The following HS6ST3 variants were observed in gnomAD, a reference collection of about 807,000 sequenced individuals.
HS6ST3 encodes heparan-sulfate 6-O-sulfotransferase 3.
A neutral mutation model predicts 36.7 loss-of-function variants in HS6ST3; 12 were observed. The ratio of observed to expected loss-of-function variants is 0.33; its 90% CI spans 0.21 to 0.53. The LOEUF is 0.53. Among genes scored for constraint, HS6ST3 ranks in the 20% least tolerant of loss-of-function variants. The pLI is 0.95. For synonymous variants in HS6ST3, 240 were observed against 257.5 expected, an observed-to-expected ratio of 0.93 and a Z score of 0.65; for missense variants, 584 against 640.9, an observed-to-expected ratio of 0.91 and a Z score of 0.96.
intron 1 of HS6ST3, among the ~76,000 whole-genome samples, chr13:96,724,215 C>T (rs576430786): frequency 5.1e-4 from 77 of 152,154 alleles, no homozygotes; most frequent in Middle Eastern, 3.4e-3. Context: ...TGTATGGGTA[C>T]GCTAAAATGT....
In HS6ST3 at chr13:96,433,354, C is replaced by A. The variant is rs1209211302; in HGVS notation, c.707+341785C>A. Among the ~76,000 whole-genome samples, 3 of 152,054 alleles carry A rather than the reference C, an allele frequency of 2.0e-5. No individual in the cohort carries two copies. The East Asian group carries it at 5.8e-4, about 29-fold the overall frequency. On this transcript the variant is annotated intron_variant, in intron 1 of 1. Transcript: ENST00000376705. ...AGGAATTGATATGGTTTGGCTGTGT[C>A]CCCACCCAAATCTCACCTTGAATTG...
Position 96,832,626 on chromosome 13 carries a change from C to A in HS6ST3, c.844C>A (p.Pro282Thr), listed in dbSNP as rs1221834783. Residue 282 changes from proline to threonine, a missense_variant, in exon 2 of 2, where the codon CCT becomes ACT. Around this residue, in one of 3 missense-constraint regions of HS6ST3, gnomAD observed 360 missense variants for 411.3 expected, o/e 0.88. Coordinates refer to ENST00000376705, the MANE Select transcript of HS6ST3 (RefSeq NM_153456.4). ...AAGAAGCCCCACCCCAGATGAGCTGCCTACCTGCTACCCTGGGGATGACTG... is the reference window on the plus strand; with the variant it reads ...AAGAAGCCCCACCCCAGATGAGCTGACTACCTGCTACCCTGGGGATGACTG... ...DGRSPTPDEL[P>T]TCYPGDDWSG... The A allele has an allele frequency of 6.2e-7, 1 of 1,614,146 alleles. No individual in the cohort carries two copies. The highest frequency in any genetic ancestry group is 1.7e-5 in the Admixed American group (1 of 60,022).
intron 1 of HS6ST3, among the ~76,000 whole-genome samples, chr13:96,362,407 T>C (rs2055242833): frequency 1.3e-5 from 2 of 152,198 alleles, no homozygotes; most frequent in Non-Finnish European, 2.9e-5. Context: ...TTAGATAGGA[T>C]AGGCCAAACT....
chr13:96,161,769 A>C (rs1391266771), intron 1 of HS6ST3, among the ~76,000 whole-genome samples: 1 of 152,252 alleles, frequency 6.6e-6, no homozygotes, highest in Non-Finnish European at 1.5e-5. Context: ...GGTTAAGCAG[A>C]AGCACATAAG....
chr13:96,120,008 T>C (rs1252410122), intron 1 of HS6ST3, among the ~76,000 whole-genome samples: 1 of 152,134 alleles, frequency 6.6e-6, no homozygotes, highest in Non-Finnish European at 1.5e-5. Context: ...GGAAATAAGA[T>C]GGTTGCAGAT....
chr13:96,652,263 T>C (rs1046908592), intron 1 of HS6ST3, among the ~76,000 whole-genome samples: 3 of 152,234 alleles, frequency 2.0e-5, no homozygotes, highest in African/African-American at 7.2e-5. Context: ...TCTGTGTGCA[T>C]ACTAGTGTAT....
intron 1 of HS6ST3, among the ~76,000 whole-genome samples, chr13:96,152,283 G>A (rs1253452397): frequency 1.4e-5 from 2 of 148,144 alleles, no homozygotes; most frequent in Admixed American, 6.7e-5. Flanking sequence ...TTCTAGCTGA[G>A]ATACTAAAGT....
At chr13:96,490,669 AG>A (rs2055940389) in intron 1 of HS6ST3, among the ~76,000 whole-genome samples, 1 of 152,172 alleles carries the variant, frequency 6.6e-6, no homozygotes, top group South Asian at 2.1e-4. Context: ...GTCACTTGAG[AG>A]GCATATTTTA....
chr13:96,410,732 T>G (rs1234185066), intron 1 of HS6ST3, among the ~76,000 whole-genome samples: 2 of 152,198 alleles, frequency 1.3e-5, no homozygotes. Context: ...TAGCATTATT[T>G]TAAATAAACA....
intron 1 of HS6ST3, among the ~76,000 whole-genome samples, chr13:96,259,497 A>G (rs1055914742): frequency 6.6e-5 from 10 of 152,190 alleles, no homozygotes; most frequent in African/African-American, 2.2e-4. Context: ...GGCTGATTGG[A>G]TGTAAAATCT....
At chr13:96,587,122 G>C (rs1302449028) in intron 1 of HS6ST3, among the ~76,000 whole-genome samples, 1 of 152,054 alleles carries the variant, frequency 6.6e-6, no homozygotes, top group Non-Finnish European at 1.5e-5. Context: ...ATTTATTCCT[G>C]GGTTCTCTCT....
intron 1 of HS6ST3, among the ~76,000 whole-genome samples, chr13:96,420,120 G>C (rs1369750502): frequency 6.6e-6 from 1 of 152,090 alleles, no homozygotes; most frequent in Non-Finnish European, 1.5e-5. Context: ...TTTTCCTTAA[G>C]TTTTCCAGTC....
chr13:96,442,818 C>T (rs1325093901), intron 1 of HS6ST3, among the ~76,000 whole-genome samples: 3 of 148,396 alleles, frequency 2.0e-5, no homozygotes, highest in Non-Finnish European at 4.5e-5. Context: ...ATAAAGGAAT[C>T]GAACTTAAGG....
intron 1 of HS6ST3, among the ~76,000 whole-genome samples, chr13:96,468,468 A>G (rs2055824666): frequency 2.2e-5 from 1 of 46,368 alleles, no homozygotes; most frequent in Non-Finnish European, 5.9e-5. Context: ...TTAACAGGAC[A>G]TACACACATA....
chr13:96,139,199 C>T (rs1261222523), intron 1 of HS6ST3, among the ~76,000 whole-genome samples: 1 of 151,794 alleles, frequency 6.6e-6, no homozygotes. Flanking sequence ...AGTGCTGGAA[C>T]GCTTTGGATA....
intron 1 of HS6ST3, among the ~76,000 whole-genome samples, chr13:96,600,357 CACAT>C (rs953442272): frequency 3.4e-4 from 52 of 150,968 alleles, no homozygotes; most frequent in South Asian, 2.5e-3. Flanking sequence ...CACACACACA[CACAT>C]ATATATATAT....
intron 1 of HS6ST3, among the ~76,000 whole-genome samples, chr13:96,563,218 G>T (rs1406175988): frequency 1.3e-5 from 2 of 152,052 alleles, no homozygotes; most frequent in African/African-American, 4.8e-5. Context: ...AGGCAAGGCT[G>T]GATTTCCATC....
At chr13:96,775,853 CA>C (rs1315280237) in intron 1 of HS6ST3, among the ~76,000 whole-genome samples, 2 of 152,174 alleles carry the variant, frequency 1.3e-5, no homozygotes, top group Non-Finnish European at 2.9e-5. Flanking sequence ...TAGACATTTA[CA>C]GAACTCTTCA....
chr13:96,255,103 A>C lies in HS6ST3; in HGVS notation c.707+163534A>C, dbSNP rs142007758. The stretch of plus-strand genomic sequence containing the variant: ...TCAGAACCTTTTCAAAATTTATTCA[A>C]CAAGTAATTAGTATCTGTTACCTAG... On this transcript the variant is annotated intron_variant, in intron 1 of 1. Transcript: ENST00000376705. 7.2e-4 allele frequency among the ~76,000 whole-genome samples: 109 copies of C among 152,342 alleles called. 2 individuals carry two copies. The highest frequency in any genetic ancestry group is 2.5e-3 in the African/African-American group (105 of 41,586).
Sources: gnomAD v4.1 joint callset for allele counts (sites outside exome capture counted in the v4.1 genomes callset) on GRCh38, gnomAD v4.1.1 for gene constraint, gnomAD v4.1.1 regional missense constraint, MANE v1.5 for transcripts, NCBI Gene and HGNC (gene_info 2026-07-23, HGNC 2026-07-21) for gene names.